The following NGB variants were observed in gnomAD, a reference collection of about 807,000 sequenced individuals.
NGB encodes nitrite reductase.
A neutral mutation model predicts 17.3 loss-of-function variants in NGB; 12 were observed. The observed-to-expected ratio is 0.69, with a 90% confidence interval of 0.45 to 1.13. The LOEUF is 1.13. Ranked by LOEUF, NGB falls within the 50% of genes most tolerant of loss-of-function variation. The probability of loss-of-function intolerance (pLI) is 0.00; values close to 1 mark genes in which losing one functional copy is unlikely to be tolerated. For synonymous variants in NGB, 87 were observed against 81.0 expected (o/e 1.07, Z -0.40); for missense variants, 195 against 191.7 (o/e 1.02, Z -0.10).
At chr14:77,267,410 G>A (rs1437725229) in intron 3 of NGB, among the ~76,000 whole-genome samples, 10 of 152,054 alleles carry the variant, frequency 6.6e-5, no homozygotes, top group African/African-American at 1.7e-4. Flanking sequence ...GCATGGTGGT[G>A]CATGCCTGTA....
Position 77,270,945 on chromosome 14 carries a change from CG to C in NGB, c.-9del. On this transcript the variant is annotated 5_prime_UTR_variant, in exon 1 of 4. Transcript: ENST00000298352. ...GGGCTCCGGGCGCTCCATGCTGTCC[CG>C]GGGACGCGGAGCGCGGGGCTGGGAC... 1 of 1,526,748 alleles carries C rather than the reference CG, an allele frequency of 6.5e-7. No individual in the cohort carries two copies. The highest frequency in any genetic ancestry group is 2.6e-5 in the East Asian group (1 of 39,008). The allele number at this position is 1,526,748 out of a possible 1,614,324, so 94.6% of individuals were successfully genotyped here. A position where few individuals can be genotyped will look rare whatever the true frequency, so the allele number is the denominator to read the frequency against.
chr14:77,270,267 C>G (rs746770836), intron 1 of NGB, among the ~76,000 whole-genome samples: 1 of 152,054 alleles, frequency 6.6e-6, no homozygotes, highest in South Asian at 2.1e-4. Flanking sequence ...CTGCACACCC[C>G]CCACCCCTCT....
chr14:77,268,496 C>T lies in NGB; in HGVS notation c.291G>A (p.Arg97=). 6.2e-7 allele frequency: 1 copy of T among 1,613,582 alleles called. No individual in the cohort carries two copies. The highest frequency in any genetic ancestry group is 1.6e-4 in the Middle Eastern group (1 of 6,062). The change falls in exon 3 of 4, where the codon CGG becomes CGA. Residue 97 remains arginine, a synonymous_variant. Transcript: ENST00000298352. The part of the protein sequence containing the change: ...EYLASLGRKH[R]AVGVKLSSFS... ...AGGAGCTGAGCTTCACACCCACTGC[C>T]CGGTGCTTCCTGCCCAGGCTGGCAA...
intron 1 of NGB, among the ~76,000 whole-genome samples, chr14:77,269,668 TTCTCTCTCTCTCTCTCTC>T (rs1491530636): frequency 1.3e-5 from 1 of 74,810 alleles, no homozygotes; most frequent in African/African-American, 5.6e-5. Flanking sequence ...GGAAAGCCCT[TTCTCTCTCTCTCTCTCTC>T]TCTCTCTCTC....
At chr14:77,270,025 CAGA>C (rs1889747219) in intron 1 of NGB, among the ~76,000 whole-genome samples, 1 of 151,798 alleles carries the variant, frequency 6.6e-6, no homozygotes, top group African/African-American at 2.4e-5. Context: ...AGTCCGGAGG[CAGA>C]AGCAGAGGCC....
rs746055355 is a variant in NGB at position 77,269,277 on chromosome 14, G to C, written c.139C>G (p.Arg47Gly). The C allele has an allele frequency of 6.4e-7, 1 of 1,551,910 alleles. No individual in the cohort carries two copies. The highest frequency in any genetic ancestry group is 8.7e-7 in the Non-Finnish European group (1 of 1,147,038). Reference protein sequence around the residue: ...DLLPLFQYNCRQFSSPEDCLS... With the variant: ...DLLPLFQYNCGQFSSPEDCLS... ...CAGTCCTCTGGGCTGGAGAACTGGC[G>C]GCAGTTGTACTGGAAGAGGGGCAGC... The change falls in exon 2 of 4, where the codon CGC becomes GGC. Residue 47 changes from arginine to glycine, a missense_variant. Transcript: ENST00000298352.
chr14:77,268,706 A>T, intron 2 of NGB, 121 bp from the exon 3 acceptor site: 1 of 1,377,742 alleles, frequency 7.3e-7, no homozygotes, highest in South Asian at 1.3e-5. Context: ...CAGTTCTCCA[A>T]GATCAGGGGT....
Position 77,266,536 on chromosome 14 carries a change from T to G in NGB, c.456A>C (p.Ter152TyrextTer52). Residue 152 changes from the stop codon to tyrosine (Y), a stop_lost, in exon 4 of 4, where the codon TAA becomes TAC. Transcript: ENST00000298352. ...QAMSRGWDGE[*>Y] is the part of the protein sequence containing the mutation. ...GGGGGCTGCCGGGCGGGGTCGCCTC[T>G]TACTCGCCATCCCAGCCTCGACTCA... 6.2e-7 allele frequency: 1 copy of G among 1,612,086 alleles called. No individual in the cohort carries two copies. Among genetic ancestry groups the G allele is most frequent in the African/African-American group, 1.3e-5 (1 of 74,996 alleles).
chr14:77,271,081 C>T lies in NGB; in HGVS notation c.-144G>A, dbSNP rs1372646163. ...GCCTCCGCCCGGCGGGGGCCGCAGC[C>T]GCTCCTTCCCTGGCGCGGGAGAGAA... On this transcript the variant is annotated 5_prime_UTR_variant, in exon 1 of 4. Transcript: ENST00000298352. 3 of 562,424 alleles carry T rather than the reference C, an allele frequency of 5.3e-6. No homozygotes were observed. Among genetic ancestry groups the T allele is most frequent in the African/African-American group, 4.0e-5 (2 of 49,814 alleles). 34.8% of individuals were successfully genotyped at this position (562,424 alleles called of 1,614,324 possible). A position where few individuals can be genotyped will look rare whatever the true frequency, so the allele number is the denominator to read the frequency against.
At chr14:77,270,607 G>A (rs1355796758) in intron 1 of NGB, among the ~76,000 whole-genome samples, 3 of 152,232 alleles carry the variant, frequency 2.0e-5, no homozygotes, top group East Asian at 1.9e-4. Flanking sequence ...GCCCGGCCCG[G>A]TGAGCCCCGC....
intron 1 of NGB, among the ~76,000 whole-genome samples, chr14:77,269,559 C>T (rs1281050353): frequency 3.3e-5 from 5 of 152,000 alleles, no homozygotes; most frequent in African/African-American, 1.2e-4. Context: ...GTCCCAGGGC[C>T]TCTGGTAAGC....
chr14:77,269,359 G>A (rs1386078142), intron 1 of NGB, 33 bp from the exon 2 acceptor site: 1 of 1,441,268 alleles, frequency 6.9e-7, no homozygotes, highest in Admixed American at 2.0e-5. Context: ...TTAGCCCTGG[G>A]GTGTGAGCTC....
rs1006043436 is a variant in NGB, at chr14:77,266,188, C to T, written c.*348G>A. 1.8e-6 allele frequency: 1 copy of T among 563,224 alleles called. No homozygotes were observed. Among genetic ancestry groups the T allele is most frequent in the South Asian group, 1.4e-5 (1 of 71,762 alleles). The allele number at this position is 563,224 out of a possible 1,614,324, so 34.9% of individuals were successfully genotyped here. On this transcript the variant is annotated 3_prime_UTR_variant, in exon 4 of 4. Coordinates refer to ENST00000298352, the MANE Select transcript of NGB (RefSeq NM_021257.4). ...CACTCACCTGAAGAAGCAGGACAGA[C>T]AGAAGAGCCCCATCCTCTCCCACCT...
In NGB at chr14:77,268,345, G is replaced by A. The variant is rs191032430; in HGVS notation, c.321+121C>T. 1.8e-4 allele frequency: 192 copies of A among 1,082,756 alleles called. 1 individual carries two copies. The highest frequency in any genetic ancestry group is 1.6e-3 in the Admixed American group (62 of 39,856). The allele number at this position is 1,082,756 out of a possible 1,614,324, so 67.1% of individuals were successfully genotyped here. A position where few individuals can be genotyped will look rare whatever the true frequency, so the allele number is the denominator to read the frequency against. ...CACAGCAGGTAACAGATGCAGGCCCGCAGCCCTGGTTATCTAAGGATATGG... is the reference window on the plus strand; with the variant it reads ...CACAGCAGGTAACAGATGCAGGCCCACAGCCCTGGTTATCTAAGGATATGG... On this transcript the variant is annotated intron_variant, in intron 3 of 3. Coordinates refer to ENST00000298352, the MANE Select transcript of NGB (RefSeq NM_021257.4).
chr14:77,269,294 A>G lies in NGB; in HGVS notation c.122T>C (p.Leu41Pro). 6.4e-7 allele frequency: 1 copy of G among 1,551,510 alleles called. No individual in the cohort carries two copies. Reference protein sequence around the residue: ...LFALEPDLLPLFQYNCRQFSS... With the variant: ...LFALEPDLLPPFQYNCRQFSS... ...GAACTGGCGGCAGTTGTACTGGAAG[A>G]GGGGCAGCAGGTCAGGCTCCAGGGC... is the stretch of plus-strand genomic sequence containing the variant. The change falls in exon 2 of 4, where the codon CTC becomes CCC. Residue 41 changes from leucine to proline, a missense_variant. By Grantham distance (98) the Leu-to-Pro change is moderately conservative. Coordinates refer to ENST00000298352, the MANE Select transcript of NGB (RefSeq NM_021257.4).
intron 2 of NGB, 136 bp from the exon 3 acceptor site, chr14:77,268,721 G>C: frequency 4.1e-6 from 5 of 1,212,504 alleles, no homozygotes; most frequent in Non-Finnish European, 5.8e-6. Context: ...AGGGGTCAAA[G>C]GCAGCCTGTG....
At chr14:77,269,671 T>C (rs1026209440) in intron 1 of NGB, among the ~76,000 whole-genome samples, 608 of 1,776 alleles carry the variant, frequency 0.34, 25 homozygotes, top group Admixed American at 0.5. Context: ...AAGCCCTTTC[T>C]CTCTCTCTCT....
chr14:77,267,332 G>T (rs1889687165), intron 3 of NGB, among the ~76,000 whole-genome samples: 1 of 152,198 alleles, frequency 6.6e-6, no homozygotes, highest in Admixed American at 6.5e-5. Context: ...CTTGAGCCCA[G>T]GAGTTTGAGA....
Position 77,268,364 on chromosome 14 carries a change from G to C in NGB, c.321+102C>G. On this transcript the variant is annotated intron_variant, in intron 3 of 3. Transcript: ENST00000298352. ...AGGCCCGCAGCCCTGGTTATCTAAG[G>C]ATATGGGAATGGGAGAGAGAACAGG... The C allele has an allele frequency of 2.3e-6, 3 of 1,297,508 alleles. No individual in the cohort carries two copies. In the Admixed American group the frequency reaches 6.4e-5, roughly 28 times the overall value. 80.4% of individuals were successfully genotyped at this position (1,297,508 alleles called of 1,614,324 possible). A position where few individuals can be genotyped will look rare whatever the true frequency, so the allele number is the denominator to read the frequency against.
Sources: allele counts gnomAD v4.1 joint callset (sites outside exome capture counted in the v4.1 genomes callset), GRCh38; gene constraint gnomAD v4.1.1; transcripts MANE v1.5; gene names NCBI Gene and HGNC (gene_info 2026-07-23, HGNC 2026-07-21).